Variants in GALNT13 observed in about 807,000 individuals in gnomAD.
The protein encoded by GALNT13 is polypeptide N-acetylgalactosaminyltransferase 13.
GALNT13 carries 28 observed loss-of-function variants against 64.2 expected under a neutral mutation model. The observed-to-expected ratio is 0.44, with a 90% CI of 0.32 to 0.60. The LOEUF is 0.60. Among genes scored for constraint, GALNT13 ranks in the 20% least tolerant of loss-of-function variants. The pLI is 0.05. For missense variants in GALNT13, 577 were observed against 669.8 expected (o/e 0.86, Z 1.53); for synonymous variants, 214 against 224.6 (o/e 0.95, Z 0.42).
At chr2:153,639,698 A>G in the GALNT13 span, among the ~76,000 whole-genome samples, 1 of 152,332 alleles carries the variant, frequency 6.6e-6, no homozygotes, top group East Asian at 1.9e-4. Context: ...AAGTGTAAAC[A>G]TTCTCCACTT....
At chr2:153,826,831 G>A in the GALNT13 span, among the ~76,000 whole-genome samples, 5 of 152,074 alleles carry the variant, frequency 3.3e-5, no homozygotes, top group African/African-American at 4.8e-5. Context: ...GCAAAAGTTG[G>A]GGATACAGAA....
the GALNT13 span, among the ~76,000 whole-genome samples, chr2:153,842,867 T>G: frequency 1.3e-5 from 2 of 152,180 alleles, no homozygotes; most frequent in Non-Finnish European, 2.9e-5. Context: ...TCTGACAAGA[T>G]TCCAGTTTTA....
chr2:153,759,076 AT>A, the GALNT13 span, among the ~76,000 whole-genome samples: 3 of 152,226 alleles, frequency 2.0e-5, no homozygotes, highest in East Asian at 5.8e-4. Flanking sequence ...AATGAAATAT[AT>A]TTCTTCATTT....
intron 4 of GALNT13, among the ~76,000 whole-genome samples, chr2:154,234,320 A>G (rs1365861941): frequency 6.6e-6 from 1 of 152,186 alleles, no homozygotes; most frequent in Non-Finnish European, 1.5e-5. Flanking sequence ...AATTACATTC[A>G]TATCATTCCA....
chr2:154,413,916 T>C (rs1251821918), intron 11 of GALNT13, among the ~76,000 whole-genome samples: 1 of 152,118 alleles, frequency 6.6e-6, no homozygotes, highest in Non-Finnish European at 1.5e-5. Context: ...AATTTCCTTG[T>C]AGCTAAAATC....
intron 3 of GALNT13, 125 bp from the exon 4 acceptor site, chr2:154,140,212 T>C: frequency 1.5e-6 from 1 of 649,522 alleles, no homozygotes; most frequent in African/African-American, 1.8e-5. Context: ...AAAATCTTGA[T>C]CATTATATTA....
the GALNT13 span, among the ~76,000 whole-genome samples, chr2:153,232,170 G>C: frequency 1.3e-5 from 2 of 152,186 alleles, no homozygotes; most frequent in African/African-American, 4.8e-5. Flanking sequence ...GGAATGAATA[G>C]ATTTTAGTAA....
chr2:154,081,595 G>C (rs746070075), intron 3 of GALNT13, among the ~76,000 whole-genome samples: 2 of 151,522 alleles, frequency 1.3e-5, no homozygotes, highest in African/African-American at 4.8e-5. Flanking sequence ...TACTGTGAAC[G>C]TGCCCTGAAA....
At chr2:153,575,985 T>C in the GALNT13 span, among the ~76,000 whole-genome samples, 1 of 152,052 alleles carries the variant, frequency 6.6e-6, no homozygotes, top group Non-Finnish European at 1.5e-5. Flanking sequence ...CCAGGACTGT[T>C]TCCTTCCCTT....
intron 9 of GALNT13, among the ~76,000 whole-genome samples, chr2:154,324,447 G>A (rs112332038): frequency 0.023 from 3,429 of 151,980 alleles, 67 homozygotes; most frequent in Non-Finnish European, 0.036. Context: ...TATTTATATT[G>A]TGATATATTT....
chr2:154,224,151 G>A (rs1688465239), intron 4 of GALNT13, among the ~76,000 whole-genome samples: 2 of 152,036 alleles, frequency 1.3e-5, no homozygotes, highest in South Asian at 4.1e-4. Flanking sequence ...ATTATGTGGT[G>A]ATAAAAAGCA....
chr2:153,225,812 G>A, the GALNT13 span, among the ~76,000 whole-genome samples: 1 of 152,140 alleles, frequency 6.6e-6, no homozygotes, highest in Non-Finnish European at 1.5e-5. Flanking sequence ...ACACTGATGA[G>A]AGAAATAAAA....
the GALNT13 span, among the ~76,000 whole-genome samples, chr2:153,586,237 C>T: frequency 2.0e-5 from 3 of 152,112 alleles, no homozygotes; most frequent in Admixed American, 2.0e-4. Context: ...AAATGCATCA[C>T]TTAAAAGATA....
chr2:153,518,239 T>A, the GALNT13 span, among the ~76,000 whole-genome samples: 1 of 152,156 alleles, frequency 6.6e-6, no homozygotes, highest in African/African-American at 2.4e-5. Context: ...GTTTTTCTCA[T>A]AGTTCTTTCT....
At chr2:153,607,828 T>TA in the GALNT13 span, among the ~76,000 whole-genome samples, 1 of 152,120 alleles carries the variant, frequency 6.6e-6, no homozygotes, top group Non-Finnish European at 1.5e-5. Context: ...CATGGACACT[T>TA]ACCAGAAAAA....
At chr2:153,400,281 C>G in the GALNT13 span, among the ~76,000 whole-genome samples, 5,104 of 151,796 alleles carry the variant, frequency 0.034, 109 homozygotes, top group Middle Eastern at 0.062. Flanking sequence ...AAGCCCACTT[C>G]ATCATGGTGG....
chr2:154,026,043 G>A (rs1227315010), intron 3 of GALNT13, among the ~76,000 whole-genome samples: 1 of 152,068 alleles, frequency 6.6e-6, no homozygotes, highest in African/African-American at 2.4e-5. Context: ...GCATGGTGTT[G>A]GGGGGAGGGG....
the GALNT13 span, among the ~76,000 whole-genome samples, chr2:153,546,114 A>C: frequency 6.6e-6 from 1 of 152,206 alleles, no homozygotes; most frequent in East Asian, 1.9e-4. Flanking sequence ...ATAAGCCACA[A>C]AATACATAAT....
intron 10 of GALNT13, among the ~76,000 whole-genome samples, chr2:154,404,708 G>A (rs1010931329): frequency 2.5e-4 from 38 of 152,142 alleles, no homozygotes; most frequent in Non-Finnish European, 1.8e-4. Flanking sequence ...ACTAGCTGAA[G>A]CTCCTTCTCA....
Sources: gnomAD v4.1 joint callset for allele counts (sites outside exome capture counted in the v4.1 genomes callset) on GRCh38, gnomAD v4.1.1 for gene constraint, MANE v1.5 for transcripts, NCBI Gene and HGNC (gene_info 2026-07-23, HGNC 2026-07-21) for gene names.